BCHE: variants seen among roughly 807,000 people sequenced by gnomAD.
The protein encoded by BCHE is butyrylcholinesterase, also known as cholinesterase.
BCHE carries 48 observed loss-of-function variants against 51.3 expected under a neutral mutation model. That is an observed-to-expected ratio of 0.94 (90% CI 0.74 to 1.19). The LOEUF is 1.19. BCHE is among the 50% of genes most tolerant of loss of function. The probability of loss-of-function intolerance (pLI) is 0.00; values close to 1 mark genes in which losing one functional copy is unlikely to be tolerated. For synonymous variants in BCHE, 251 were observed against 238.0 expected, an observed-to-expected ratio of 1.05 and a Z score of -0.50; for missense variants, 847 against 708.2, an observed-to-expected ratio of 1.20 and a Z score of -2.23.
intron 2 of BCHE, among the ~76,000 whole-genome samples, chr3:165,829,296 A>T (rs1471034734): frequency 1.3e-5 from 2 of 152,166 alleles, no homozygotes; most frequent in African/African-American, 4.8e-5. Context: ...TGAAATCAGA[A>T]GATATTTTTT....
At chr3:165,774,541 G>T (rs1443536059) in intron 3 of BCHE, among the ~76,000 whole-genome samples, 2 of 151,802 alleles carry the variant, frequency 1.3e-5, no homozygotes, top group African/African-American at 4.8e-5. Context: ...TCACCATGTT[G>T]GTTGGCCAGG....
At chr3:165,833,123 AT>A (rs1560024695) in intron 1 of BCHE, among the ~76,000 whole-genome samples, 1 of 152,076 alleles carries the variant, frequency 6.6e-6, no homozygotes, top group Non-Finnish European at 1.5e-5. Context: ...CAAGATTATT[AT>A]TTTTTCAGTT....
chr3:165,799,866 C>T (rs1257031439), intron 2 of BCHE, among the ~76,000 whole-genome samples: 2 of 152,030 alleles, frequency 1.3e-5, no homozygotes, highest in East Asian at 1.9e-4. Flanking sequence ...GATATGTGTG[C>T]TACCTACCAT....
chr3:165,777,886 T>C (rs772804539), intron 3 of BCHE: 1 of 337,800 alleles, frequency 3.0e-6, no homozygotes, highest in Non-Finnish European at 6.1e-6. Flanking sequence ...TCTTATGATT[T>C]TCATTTTCTT....
intron 2 of BCHE, among the ~76,000 whole-genome samples, chr3:165,818,906 A>G (rs1714407173): frequency 6.6e-6 from 1 of 152,136 alleles, no homozygotes; most frequent in Admixed American, 6.6e-5. Context: ...CTTGGCAACT[A>G]TGTGGCAAAC....
At chr3:165,780,789 A>G (rs1193701830) in intron 3 of BCHE, among the ~76,000 whole-genome samples, 1 of 152,178 alleles carries the variant, frequency 6.6e-6, no homozygotes, top group Non-Finnish European at 1.5e-5. Flanking sequence ...GTGGAGAAAT[A>G]GGAATCCTTT....
intron 2 of BCHE, among the ~76,000 whole-genome samples, chr3:165,799,284 AAGCTGTATGTTATTTT>A (rs761367849): frequency 2.7e-4 from 41 of 152,124 alleles, no homozygotes; most frequent in Non-Finnish European, 5.4e-4. Flanking sequence ...TGCTTTAGAA[AAGCTGTATGTTATTTT>A]AGTTTAACTT....
intron 2 of BCHE, among the ~76,000 whole-genome samples, chr3:165,826,467 A>G (rs1560021217): frequency 6.6e-6 from 1 of 152,128 alleles, no homozygotes; most frequent in Non-Finnish European, 1.5e-5. Flanking sequence ...AAATAGAATC[A>G]GTGATTGACT....
At chr3:165,814,620 A>C (rs4680663) in intron 2 of BCHE, among the ~76,000 whole-genome samples, 134,185 of 151,942 alleles carry the variant, frequency 0.88, 59,446 homozygotes, top group East Asian at 0.92. Flanking sequence ...ATTTTCCAAC[A>C]CTTGCTGGCC....
At chr3:165,832,861 C>T (rs1715041166) in intron 1 of BCHE, among the ~76,000 whole-genome samples, 1 of 151,910 alleles carries the variant, frequency 6.6e-6, no homozygotes, top group Non-Finnish European at 1.5e-5. Context: ...ATGTCCCAGA[C>T]GTAGGGTATC....
chr3:165,794,863 TTTATA>T (rs1713309475), intron 2 of BCHE, among the ~76,000 whole-genome samples: 1 of 152,098 alleles, frequency 6.6e-6, no homozygotes, highest in Non-Finnish European at 1.5e-5. Flanking sequence ...AAAATTTTAT[TTTATA>T]TTATAACATA....
At chr3:165,793,870 AC>A (rs1272542110) in intron 2 of BCHE, among the ~76,000 whole-genome samples, 1 of 151,812 alleles carries the variant, frequency 6.6e-6, no homozygotes, top group East Asian at 1.9e-4. Flanking sequence ...ATATGGTGAA[AC>A]CCCGTCTCTA....
chr3:165,789,785 A>G lies in BCHE; in HGVS notation c.1518-3474T>C, dbSNP rs147810249. Among the ~76,000 whole-genome samples the G allele has an allele frequency of 4.7e-3, 721 of 152,304 alleles. 4 individuals carry two copies. The highest frequency in any genetic ancestry group is 0.017 in the African/African-American group (693 of 41,580). ...GATATTCTATTGTAAAATAAGGAAT[A>G]GAAGGGCTATAAGAAGACCTAAATT... On this transcript the variant is annotated intron_variant, in intron 2 of 3. Transcript: ENST00000264381.
chr3:165,791,944 C>A lies in BCHE; in HGVS notation c.1518-5633G>T, dbSNP rs542722714. Among the ~76,000 whole-genome samples the A allele has an allele frequency of 4.2e-5, 4 of 94,336 alleles. No homozygotes were observed. The East Asian group carries it at 9.7e-4, about 23-fold the overall frequency. The allele number at this position is 94,336 out of a possible 152,430, so 61.9% of individuals were successfully genotyped here. ...CCTGGGTGACGGAGCGAGGCTCCAT[C>A]TCAAAAAATAAAATAAAATAAAATA... On this transcript the variant is annotated intron_variant, in intron 2 of 3. Transcript: ENST00000264381.
intron 1 of BCHE, among the ~76,000 whole-genome samples, chr3:165,832,919 A>C (rs1715043089): frequency 6.6e-6 from 1 of 152,162 alleles, no homozygotes; most frequent in Non-Finnish European, 1.5e-5. Context: ...ATATCTAGTG[A>C]CCTACAAGTA....
intron 2 of BCHE, among the ~76,000 whole-genome samples, chr3:165,807,746 T>C (rs1338059775): frequency 6.6e-6 from 1 of 151,474 alleles, no homozygotes; most frequent in Non-Finnish European, 1.5e-5. Flanking sequence ...ATATTTTTAG[T>C]AGAGACAGGG....
At chr3:165,823,759 T>C (rs906554842) in intron 2 of BCHE, among the ~76,000 whole-genome samples, 2 of 151,996 alleles carry the variant, frequency 1.3e-5, no homozygotes, top group East Asian at 1.9e-4. Flanking sequence ...GGAAGATTAC[T>C]ACATATTTTT....
intron 1 of BCHE, 122 bp from the exon 2 acceptor site, chr3:165,831,163 C>T (rs1714971058): frequency 1.1e-6 from 1 of 926,112 alleles, no homozygotes; most frequent in South Asian, 1.6e-5. Context: ...AACAAATAAA[C>T]CTGCTTCTGT....
intron 2 of BCHE, among the ~76,000 whole-genome samples, chr3:165,798,862 T>C (rs1713529024): frequency 6.6e-6 from 1 of 151,932 alleles, no homozygotes; most frequent in Admixed American, 6.6e-5. Context: ...ATGCAGTTTT[T>C]CTAAAACAAA....
Sources: gnomAD v4.1 joint callset for allele counts (sites outside exome capture counted in the v4.1 genomes callset) on GRCh38, gnomAD v4.1.1 for gene constraint, MANE v1.5 for transcripts, NCBI Gene and HGNC (gene_info 2026-07-23, HGNC 2026-07-21) for gene names.